SVIP: variants seen among roughly 807,000 people sequenced by gnomAD.
The protein encoded by SVIP is small VCP/p97-interacting protein.
In SVIP, 14 loss-of-function variants were observed where a neutral mutation model predicts 12.9. The ratio of observed to expected loss-of-function variants is 1.08; its 90% CI spans 0.72 to 1.70. SVIP has a LOEUF of 1.70. SVIP is among the 40% of genes most tolerant of loss of function. The pLI, the probability that SVIP is intolerant of heterozygous loss-of-function variation, is 0.00. For missense variants in SVIP, 93 were observed against 90.8 expected, an observed-to-expected ratio of 1.02 and a Z score of -0.10; for synonymous variants, 35 against 33.3, an observed-to-expected ratio of 1.05 and a Z score of -0.17.
intron 3 of SVIP, among the ~76,000 whole-genome samples, chr11:22,825,137 GTCAGAAAGACTC>G (rs1857646848): frequency 6.6e-6 from 1 of 151,974 alleles, no homozygotes; most frequent in African/African-American, 2.4e-5. Flanking sequence ...GTAGAGTCAG[GTCAGAAAGACTC>G]TACCTAGGGA....
Position 22,823,111 on chromosome 11 carries a change from GT to G in SVIP, c.*7del. On this transcript the variant is annotated 3_prime_UTR_variant, in exon 4 of 4. Coordinates refer to ENST00000354193, the MANE Select transcript of SVIP (RefSeq NM_148893.3). ...ATTGGCAGTAGATTCTTCTACTCAT[GT>G]TATGCTTTATGAAACTGTCCACTAG... 1 of 1,587,852 alleles carries G rather than the reference GT, an allele frequency of 6.3e-7. No homozygotes were observed. Among genetic ancestry groups the G allele is most frequent in the Non-Finnish European group, 8.6e-7 (1 of 1,167,680 alleles).
In SVIP at chr11:22,822,974, T is replaced by A; in HGVS notation, c.*145A>T. On this transcript the variant is annotated 3_prime_UTR_variant, in exon 4 of 4. Coordinates refer to ENST00000354193, the MANE Select transcript of SVIP (RefSeq NM_148893.3). Reference sequence around the variant, plus strand: ...ATTCTCTAAGCTTGAAAATCAACGTTTTTTTAGCATTGCACTTAAGGGCAA... The same window carrying A: ...ATTCTCTAAGCTTGAAAATCAACGTATTTTTAGCATTGCACTTAAGGGCAA... 1.6e-6 allele frequency: 1 copy of A among 627,162 alleles called. No individual in the cohort carries two copies. The highest frequency in any genetic ancestry group is 2.5e-6 in the Non-Finnish European group (1 of 392,892). The allele number at this position is 627,162 out of a possible 1,614,324, so 38.8% of individuals were successfully genotyped here.
At chr11:22,826,355 T>A (rs1857702613) in intron 3 of SVIP, among the ~76,000 whole-genome samples, 1 of 137,902 alleles carries the variant, frequency 7.3e-6, no homozygotes, top group Non-Finnish European at 1.6e-5. Context: ...TGTATGTGCA[T>A]GTGTGTGTGT....
Position 22,822,930 on chromosome 11 carries a change from T to C in SVIP, c.*189A>G, listed in dbSNP as rs1398769533. The C allele has an allele frequency of 1.9e-6, 1 of 520,654 alleles. No individual in the cohort carries two copies. Among genetic ancestry groups the C allele is most frequent in the Non-Finnish European group, 3.4e-6 (1 of 298,504 alleles). The allele number at this position is 520,654 out of a possible 1,614,324, so 32.3% of individuals were successfully genotyped here. ...AAGAGCAAATGTAGGAAAATCAGTA[T>C]TTAATGAAAAGTCTAGCCATTCTCT... On this transcript the variant is annotated 3_prime_UTR_variant, in exon 4 of 4. Coordinates refer to ENST00000354193, the MANE Select transcript of SVIP (RefSeq NM_148893.3).
chr11:22,825,798 T>C (rs142093300), intron 3 of SVIP, among the ~76,000 whole-genome samples: 46 of 152,224 alleles, frequency 3.0e-4, no homozygotes, highest in African/African-American at 1.1e-3. Flanking sequence ...TGATTAAGTG[T>C]TGATTAAATT....
At chr11:22,828,837 T>A (rs1857829117) in intron 1 of SVIP, among the ~76,000 whole-genome samples, 1 of 152,174 alleles carries the variant, frequency 6.6e-6, no homozygotes, top group Non-Finnish European at 1.5e-5. Context: ...CCAAAAATAC[T>A]TCATTTTCTT....
At position 22,820,834 on chromosome 11, in the gene SVIP, T is replaced by G. The variant is rs878942025; in HGVS notation, c.*2285A>C. 1 of 152,180 alleles carries G rather than the reference T, an allele frequency of 6.6e-6. No homozygotes were observed. Among genetic ancestry groups the G allele is most frequent in the Admixed American group, 6.5e-5 (1 of 15,284 alleles). 9.4% of individuals were successfully genotyped at this position (152,180 alleles called of 1,614,324 possible). The stretch of plus-strand genomic sequence containing the variant: ...TGATTAGTATTAAGCAGCAATGGTT[T>G]AAGCAATTTTAAATCATGATATGAT... On this transcript the variant is annotated 3_prime_UTR_variant, in exon 4 of 4. Transcript: ENST00000354193.
intron 1 of SVIP, 36 bp downstream of exon 1, chr11:22,829,659 C>A (rs1334600332): frequency 1.3e-6 from 2 of 1,556,916 alleles, no homozygotes; most frequent in Admixed American, 3.9e-5. Flanking sequence ...GTGCTCAAGG[C>A]GCGGCCCGGC....
intron 3 of SVIP, among the ~76,000 whole-genome samples, chr11:22,824,308 G>A (rs1433525956): frequency 6.6e-6 from 1 of 151,816 alleles, no homozygotes; most frequent in African/African-American, 2.4e-5. Flanking sequence ...TTTGTTTAAT[G>A]AAGTCTATTA....
intron 3 of SVIP, among the ~76,000 whole-genome samples, chr11:22,826,625 G>A (rs1857716042): frequency 6.6e-6 from 1 of 152,048 alleles, no homozygotes; most frequent in East Asian, 1.9e-4. Context: ...TGCTTAACTT[G>A]TCCACCATTA....
rs1857402716 is a variant in SVIP, at chr11:22,819,042, A to G, written c.*4077T>C. ...AATTTAAATTTTCCCACTTTCAATT[A>G]CAGATTTTTCATTGCTTGCATATAA... is the stretch of plus-strand genomic sequence containing the variant. On this transcript the variant is annotated 3_prime_UTR_variant, in exon 4 of 4. Coordinates refer to ENST00000354193, the MANE Select transcript of SVIP (RefSeq NM_148893.3). The G allele has an allele frequency of 6.6e-6, 1 of 152,204 alleles. No individual in the cohort carries two copies. The highest frequency in any genetic ancestry group is 1.9e-4 in the East Asian group (1 of 5,202). 9.4% of individuals were successfully genotyped at this position (152,204 alleles called of 1,614,324 possible). A position where few individuals can be genotyped will look rare whatever the true frequency, so the allele number is the denominator to read the frequency against.
intron 2 of SVIP, among the ~76,000 whole-genome samples, chr11:22,827,562 A>G (rs1857763289): frequency 6.6e-6 from 1 of 152,168 alleles, no homozygotes; most frequent in African/African-American, 2.4e-5. Context: ...GTATTTTACA[A>G]TGCACAGCCA....
At chr11:22,824,387 T>G (rs1312569724) in intron 3 of SVIP, among the ~76,000 whole-genome samples, 1 of 150,634 alleles carries the variant, frequency 6.6e-6, no homozygotes, top group East Asian at 1.9e-4. Context: ...TTGATAGTGT[T>G]TTCCAAGTAC....
rs368709146 is a variant in SVIP, at chr11:22,826,354, A to ATGTGTGTG, written c.219+845_219+852dup. Among the ~76,000 whole-genome samples the ATGTGTGTG allele has an allele frequency of 5.4e-3, 789 of 145,348 alleles. 11 individuals carry two copies. Among genetic ancestry groups the ATGTGTGTG allele is most frequent in the East Asian group, 0.038 (190 of 4,968 alleles). On this transcript the variant is annotated intron_variant, in intron 3 of 3. Transcript: ENST00000354193. The stretch of plus-strand genomic sequence containing the variant: ...TATATGTCCATGTATATGTATGTGC[A>ATGTGTGTG]TGTGTGTGTGTGTGTAGTTTTGAGA...
Position 22,829,756 on chromosome 11 carries a change from A to T in SVIP, c.-8T>A, listed in dbSNP as rs779494185. 2 of 1,604,686 alleles carry T rather than the reference A, an allele frequency of 1.2e-6. No individual in the cohort carries two copies. The highest frequency in any genetic ancestry group is 1.7e-6 in the Non-Finnish European group (2 of 1,176,484). On this transcript the variant is annotated 5_prime_UTR_variant, in exon 1 of 4. Coordinates refer to ENST00000354193, the MANE Select transcript of SVIP (RefSeq NM_148893.3). The stretch of plus-strand genomic sequence containing the variant: ...AGGAAAACACAGCCCCATAGGGACG[A>T]CAGCTTGAGAACCCTGACCGGGTCC...
chr11:22,826,426 CAAGTT>C (rs1857706944), intron 3 of SVIP, among the ~76,000 whole-genome samples: 1 of 152,038 alleles, frequency 6.6e-6, no homozygotes, highest in Non-Finnish European at 1.5e-5. Context: ...AAATCATTGA[CAAGTT>C]AAATATAAAT....
chr11:22,823,062 C>A lies in SVIP; in HGVS notation c.*57G>T, dbSNP rs1462845706. On this transcript the variant is annotated 3_prime_UTR_variant, in exon 4 of 4. Transcript: ENST00000354193. ...GAAGAAATTAAATTGATGAAGCCCA[C>A]TTGATTGCAGATAATAAACAGTTAT... 7 of 1,448,678 alleles carry A rather than the reference C, an allele frequency of 4.8e-6. No homozygotes were observed. Among genetic ancestry groups the A allele is most frequent in the Middle Eastern group, 1.8e-4 (1 of 5,630 alleles). The allele number at this position is 1,448,678 out of a possible 1,614,324, so 89.7% of individuals were successfully genotyped here. A position where few individuals can be genotyped will look rare whatever the true frequency, so the allele number is the denominator to read the frequency against.
At chr11:22,825,055 T>C (rs964437871) in intron 3 of SVIP, among the ~76,000 whole-genome samples, 2 of 152,038 alleles carry the variant, frequency 1.3e-5, no homozygotes, top group Non-Finnish European at 2.9e-5. Flanking sequence ...CCTGGAAAGA[T>C]GCAGCACTGG....
chr11:22,824,149 TC>T (rs1857583695), intron 3 of SVIP, among the ~76,000 whole-genome samples: 1 of 151,990 alleles, frequency 6.6e-6, no homozygotes, highest in Non-Finnish European at 1.5e-5. Context: ...TATCCAATAA[TC>T]AGTAAAGGAA....
Sources: gnomAD v4.1 joint callset for allele counts (sites outside exome capture counted in the v4.1 genomes callset) on GRCh38, gnomAD v4.1.1 for gene constraint, MANE v1.5 for transcripts, NCBI Gene and HGNC (gene_info 2026-07-23, HGNC 2026-07-21) for gene names.